UNKL: variants seen among roughly 807,000 people sequenced by gnomAD.
The protein encoded by UNKL is putative E3 ubiquitin-protein ligase UNKL.
In UNKL, 60 loss-of-function variants were observed where a neutral mutation model predicts 78.0. That is an observed-to-expected ratio of 0.77 (90% confidence interval 0.63 to 0.95). The LOEUF is 0.95. UNKL is among the 40% of genes least tolerant of loss of function. The pLI is 0.00. For missense variants in UNKL, 1,159 were observed against 1,045.7 expected (o/e 1.11, Z -1.49); for synonymous variants, 608 against 474.8 (o/e 1.28, Z -3.65).
rs757794784 is a variant in UNKL, at chr16:1,394,191, C to A, written c.877G>T (p.Asp293Tyr). The A allele has an allele frequency of 2.6e-6, 4 of 1,550,554 alleles. No homozygotes were observed. In the Admixed American group the frequency reaches 5.9e-5, roughly 23 times the overall value. Residue 293 changes from aspartate to tyrosine, a missense_variant, in exon 7 of 15, where the codon GAC (aspartate) becomes TAC (tyrosine). By Grantham distance (160) the Asp-to-Tyr change is radical. Transcript: ENST00000389221. Reference sequence around the variant, plus strand: ...GGGCAGTACCCGGTTTGGCGCATGTCGTTGCATTTTGTAGATTTGTAGATC... The same window carrying A: ...GGGCAGTACCCGGTTTGGCGCATGTAGTTGCATTTTGTAGATTTGTAGATC... ...PEIYKSTKCN[D>Y]MRQTGYCPRG... is the part of the protein sequence containing the mutation.
At chr16:1,390,830 G>C (rs1345334390) in intron 8 of UNKL, 136 bp from the exon 9 acceptor site, 1 of 873,446 alleles carries the variant, frequency 1.1e-6, no homozygotes. Context: ...AGGAGTTCGA[G>C]ACCAGCCTGG....
chr16:1,395,859 A>G (rs2037237419), intron 6 of UNKL: 1 of 428,942 alleles, frequency 2.3e-6, no homozygotes, highest in African/African-American at 2.0e-5. Context: ...AGAAAGCATG[A>G]TGCGCGTCTG....
intron 2 of UNKL, among the ~76,000 whole-genome samples, chr16:1,404,697 G>C (rs1567236210): frequency 1.3e-5 from 2 of 152,216 alleles, no homozygotes; most frequent in Admixed American, 6.5e-5. Context: ...CAAGAGCCAA[G>C]AGGCAGAAAC....
At chr16:1,383,802 C>T (rs1386839705) in intron 10 of UNKL, 1 of 445,732 alleles carries the variant, frequency 2.2e-6, no homozygotes, top group Non-Finnish European at 4.6e-6. Flanking sequence ...CAGAGTGTGT[C>T]CAGGCAGGGA....
chr16:1,383,783 C>T (rs954391950), intron 10 of UNKL: 6 of 438,264 alleles, frequency 1.4e-5, no homozygotes, highest in African/African-American at 8.0e-5. Flanking sequence ...GGGTCCCACT[C>T]CAAGTCCCCA....
In UNKL at chr16:1,364,172, TAAAAAC is replaced by T. The variant is rs891304542; in HGVS notation, c.*2062_*2067del. On this transcript the variant is annotated 3_prime_UTR_variant, in exon 15 of 15. Transcript: ENST00000389221. ...TACTGAGCTAATAAATCACTGTAGTTAAAAACAAAATAGATTCACTGAAACCAAGTC... is the reference window on the plus strand; with the variant it reads ...TACTGAGCTAATAAATCACTGTAGTTAAAATAGATTCACTGAAACCAAGTC... 2.0e-5 allele frequency: 3 copies of T among 152,212 alleles called. No individual in the cohort carries two copies. Among genetic ancestry groups the T allele is most frequent in the Non-Finnish European group, 2.9e-5 (2 of 68,032 alleles). 9.4% of individuals were successfully genotyped at this position (152,212 alleles called of 1,614,324 possible). A position where few individuals can be genotyped will look rare whatever the true frequency, so the allele number is the denominator to read the frequency against.
At chr16:1,389,976 C>T (rs1042188303) in intron 9 of UNKL, among the ~76,000 whole-genome samples, 1 of 152,106 alleles carries the variant, frequency 6.6e-6, no homozygotes, top group African/African-American at 2.4e-5. Context: ...ACTAAAACTA[C>T]CTCATTCATT....
rs917077781 is a variant in UNKL, at chr16:1,364,419, G to A, written c.*1821C>T. On this transcript the variant is annotated 3_prime_UTR_variant, in exon 15 of 15. Coordinates refer to ENST00000389221, the MANE Select transcript of UNKL (RefSeq NM_001372107.1). ...ATTAAAAGTCTTTGGCAAAGCCACG[G>A]TCGGGGAGAAACACGTCGGTGCCGC... The A allele has an allele frequency of 1.3e-5, 2 of 152,222 alleles. No homozygotes were observed. The highest frequency in any genetic ancestry group is 2.4e-5 in the African/African-American group (1 of 41,450). 9.4% of individuals were successfully genotyped at this position (152,222 alleles called of 1,614,324 possible).
intron 6 of UNKL, 101 bp from the exon 7 acceptor site, chr16:1,394,316 G>C (rs555570577): frequency 8.1e-5 from 111 of 1,370,530 alleles, no homozygotes; most frequent in African/African-American, 7.1e-4. Context: ...GCTCCAAATC[G>C]TAACAAGACA....
At position 1,395,819 on chromosome 16, in the gene UNKL, A is replaced by G. The variant is rs112149612; in HGVS notation, c.852+1359T>C. On this transcript the variant is annotated intron_variant, in intron 6 of 14. Transcript: ENST00000389221. ...CCGGACTCCCGACAGGCCCCTGGTG[A>G]CACCATTGAGTGTGTGGTCACCGAC... is the stretch of plus-strand genomic sequence containing the variant. 342 of 452,652 alleles carry G rather than the reference A, an allele frequency of 7.6e-4. 2 individuals are homozygous for G. The highest frequency in any genetic ancestry group is 5.2e-3 in the African/African-American group (261 of 50,080). The allele number at this position is 452,652 out of a possible 1,614,324, so 28.0% of individuals were successfully genotyped here. A position where few individuals can be genotyped will look rare whatever the true frequency, so the allele number is the denominator to read the frequency against.
chr16:1,368,463 G>A (rs940546262), intron 12 of UNKL, among the ~76,000 whole-genome samples: 8 of 152,078 alleles, frequency 5.3e-5, no homozygotes, highest in Admixed American at 2.6e-4. Context: ...TTAGCCAGGC[G>A]TGGTGGCGGG....
intron 5 of UNKL, among the ~76,000 whole-genome samples, chr16:1,397,877 G>C (rs1161622511): frequency 6.6e-6 from 1 of 152,240 alleles, no homozygotes. Flanking sequence ...GTGCCCAGGG[G>C]TGTCTGCCTC....
intron 4 of UNKL, 26 bp downstream of exon 4, chr16:1,401,542 G>A (rs752045043): frequency 3.0e-5 from 41 of 1,367,824 alleles, no homozygotes; most frequent in African/African-American, 2.1e-4. Flanking sequence ...CCCCACCACC[G>A]CCCTCAGCTG....
chr16:1,398,612 T>G lies in UNKL; in HGVS notation c.734+762A>C, dbSNP rs545495869. On this transcript the variant is annotated intron_variant, in intron 5 of 14. Coordinates refer to ENST00000389221, the MANE Select transcript of UNKL (RefSeq NM_001372107.1). ...GTGGCTCTCTGCTCAAAGGAAGAGC[T>G]GGACACAGACAGGGCCTCAGGGAGG... is the stretch of plus-strand genomic sequence containing the variant. 2.1e-6 allele frequency: 3 copies of G among 1,426,020 alleles called. No homozygotes were observed. In the African/African-American group the frequency reaches 4.3e-5, roughly 21 times the overall value. The allele number at this position is 1,426,020 out of a possible 1,614,324, so 88.3% of individuals were successfully genotyped here.
chr16:1,408,206 G>T (rs535167724), intron 2 of UNKL, among the ~76,000 whole-genome samples: 3 of 152,102 alleles, frequency 2.0e-5, no homozygotes, highest in Non-Finnish European at 2.9e-5. Context: ...AAAAGCAAGC[G>T]CCTGCCCCTC....
intron 10 of UNKL, among the ~76,000 whole-genome samples, chr16:1,382,611 A>AG (rs1218355837): frequency 6.6e-6 from 1 of 152,164 alleles, no homozygotes; most frequent in Non-Finnish European, 1.5e-5. Context: ...CAGGGCTGCG[A>AG]GGGGGAGATG....
chr16:1,388,717 G>A (rs559803712), intron 9 of UNKL, among the ~76,000 whole-genome samples: 90 of 151,898 alleles, frequency 5.9e-4, no homozygotes, highest in African/African-American at 2.0e-3. Context: ...TGAGGATCCC[G>A]CACCTTCACT....
At position 1,367,729 on chromosome 16, in the gene UNKL, C is replaced by G; in HGVS notation, c.1715G>C (p.Arg572Pro). Residue 572 changes from arginine (R) to proline (P), a missense_variant, in exon 13 of 15, where the codon CGG becomes CCG. Transcript: ENST00000389221. ...GGCCTCGTCCAGCTGCCGCCTGACC[C>G]GGGCCAGCTCAGCTCCGTTTGGACT... The part of the protein sequence containing the change: ...SASPNGAELA[R>P]VRRQLDEAKR... 6.3e-7 allele frequency: 1 copy of G among 1,579,114 alleles called. No individual in the cohort carries two copies. Among genetic ancestry groups the G allele is most frequent in the Non-Finnish European group, 8.6e-7 (1 of 1,163,454 alleles).
intron 8 of UNKL, among the ~76,000 whole-genome samples, chr16:1,391,326 T>G (rs1025271911): frequency 1.3e-5 from 2 of 152,124 alleles, no homozygotes; most frequent in African/African-American, 4.8e-5. Flanking sequence ...TTTTTGGTTT[T>G]GTTTTGTTTT....
Sources: gnomAD v4.1 joint callset for allele counts (sites outside exome capture counted in the v4.1 genomes callset) on GRCh38, gnomAD v4.1.1 for gene constraint, MANE v1.5 for transcripts, NCBI Gene and HGNC (gene_info 2026-07-23, HGNC 2026-07-21) for gene names.